Variants in DCDC1 observed in about 807,000 individuals in gnomAD.
The protein encoded by DCDC1 is doublecortin domain-containing protein 1.
In DCDC1, 200 loss-of-function variants were observed where a neutral mutation model predicts 178.3. That is an observed-to-expected ratio of 1.12 (90% CI 1.00 to 1.26). The LOEUF is 1.26. Ranked by LOEUF, DCDC1 falls within the 50% of genes most tolerant of loss-of-function variation. The pLI is 0.00. For synonymous variants in DCDC1, 690 were observed against 604.8 expected (o/e 1.14, Z -2.07); for missense variants, 1,983 against 1,749.2 (o/e 1.13, Z -2.38).
chr11:31,300,147 C>A (rs560757331), intron 6 of DCDC1, among the ~76,000 whole-genome samples: 1 of 152,276 alleles, frequency 6.6e-6, no homozygotes, highest in African/African-American at 2.4e-5. Flanking sequence ...AGAGCCACCA[C>A]ACCTGGCCGA....
At chr11:30,967,903 T>C (rs892997980) in intron 20 of DCDC1, among the ~76,000 whole-genome samples, 2 of 151,760 alleles carry the variant, frequency 1.3e-5, no homozygotes, top group Non-Finnish European at 2.9e-5. Flanking sequence ...ACAAGAGCAG[T>C]TAGGTAGAGA....
At chr11:31,011,428 A>T (rs925759107) in intron 20 of DCDC1, among the ~76,000 whole-genome samples, 1 of 152,248 alleles carries the variant, frequency 6.6e-6, no homozygotes, top group Non-Finnish European at 1.5e-5. Flanking sequence ...TAAGAAAAAG[A>T]CAAGCAATAG....
At chr11:30,877,426 T>A (rs564754608) in intron 38 of DCDC1, among the ~76,000 whole-genome samples, 3 of 152,174 alleles carry the variant, frequency 2.0e-5, no homozygotes, top group African/African-American at 7.2e-5. Flanking sequence ...GTAACTGCTA[T>A]TTTTTTAATG....
intron 20 of DCDC1, among the ~76,000 whole-genome samples, chr11:31,034,143 C>CAA (rs11439632): frequency 0.11 from 11,030 of 101,700 alleles, 680 homozygotes; most frequent in East Asian, 0.34. Context: ...GGCTCTGTCT[C>CAA]AAAAAAAAAA....
intron 7 of DCDC1, among the ~76,000 whole-genome samples, chr11:31,268,697 G>A (rs377203954): frequency 1.1e-4 from 16 of 152,220 alleles, no homozygotes; most frequent in Admixed American, 2.0e-4. Context: ...GAGTGCATGC[G>A]TCATTTTGGC....
At chr11:30,980,819 A>C (rs550473789) in intron 20 of DCDC1, among the ~76,000 whole-genome samples, 12 of 152,294 alleles carry the variant, frequency 7.9e-5, no homozygotes, top group South Asian at 2.1e-4. Flanking sequence ...AGAACTAAAA[A>C]TAGAACTACC....
intron 11 of DCDC1, among the ~76,000 whole-genome samples, chr11:31,113,924 A>G (rs1209822383): frequency 6.6e-6 from 1 of 152,170 alleles, no homozygotes; most frequent in Admixed American, 6.6e-5. Flanking sequence ...TAAAATGTGG[A>G]AAAATATTCT....
intron 34 of DCDC1, among the ~76,000 whole-genome samples, chr11:30,897,897 G>A (rs1427271215): frequency 6.6e-6 from 1 of 152,064 alleles, no homozygotes; most frequent in Admixed American, 6.5e-5. Context: ...GTTCAAAGTG[G>A]GATAAACCAC....
chr11:31,079,375 T>C (rs1297474406), intron 17 of DCDC1, among the ~76,000 whole-genome samples: 1 of 152,218 alleles, frequency 6.6e-6, no homozygotes, highest in African/African-American at 2.4e-5. Context: ...TTCATCTGAC[T>C]GTTCATGTGT....
chr11:31,212,937 A>AG (rs1434149317), intron 9 of DCDC1, among the ~76,000 whole-genome samples: 1 of 152,062 alleles, frequency 6.6e-6, no homozygotes, highest in East Asian at 1.9e-4. Flanking sequence ...AGATGTGGTA[A>AG]ACCTGTGTAC....
chr11:30,879,523 G>A (rs1203611449), intron 37 of DCDC1, among the ~76,000 whole-genome samples: 1 of 152,108 alleles, frequency 6.6e-6, no homozygotes, highest in East Asian at 1.9e-4. Context: ...GAGACAATAG[G>A]AGGAAACCAC....
chr11:31,084,968 T>C (rs1251167564), intron 17 of DCDC1, among the ~76,000 whole-genome samples: 1 of 150,972 alleles, frequency 6.6e-6, no homozygotes, highest in East Asian at 2.0e-4. Flanking sequence ...GTACTTTCAG[T>C]ATCCGGTGTG....
chr11:31,307,524 C>T (rs1487813639), intron 4 of DCDC1, 115 bp downstream of exon 4: 15 of 1,390,508 alleles, frequency 1.1e-5, no homozygotes, highest in African/African-American at 1.4e-5. Context: ...AAACAAAACC[C>T]GAGAGATGTG....
intron 20 of DCDC1, among the ~76,000 whole-genome samples, chr11:30,971,311 AAG>A (rs1949763470): frequency 6.6e-6 from 1 of 152,214 alleles, no homozygotes; most frequent in Non-Finnish European, 1.5e-5. Flanking sequence ...ATTCTCCAGT[AAG>A]AGTCTAGTGA....
chr11:31,274,203 G>T (rs778958951), intron 7 of DCDC1, among the ~76,000 whole-genome samples: 4 of 152,142 alleles, frequency 2.6e-5, no homozygotes, highest in Non-Finnish European at 4.4e-5. Context: ...CCTTCTTTCT[G>T]CCCCTCTCTT....
intron 20 of DCDC1, among the ~76,000 whole-genome samples, chr11:30,961,679 A>C (rs1248983559): frequency 6.6e-6 from 1 of 151,962 alleles, no homozygotes; most frequent in Non-Finnish European, 1.5e-5. Flanking sequence ...GGGTACAATA[A>C]TATATTTTGT....
At chr11:31,037,428 CTTTCTTTT>C (rs1954120367) in intron 20 of DCDC1, among the ~76,000 whole-genome samples, 3 of 44,876 alleles carry the variant, frequency 6.7e-5, no homozygotes, top group Admixed American at 2.2e-4. Context: ...CTAAATATTT[CTTTCTTTT>C]TTTTTTTTTT....
Position 31,280,978 on chromosome 11 carries a change from C to G in DCDC1, c.960+9669G>C, listed in dbSNP as rs1946384069. On this transcript the variant is annotated intron_variant, in intron 7 of 38. Transcript: ENST00000684477. ...CAAAAACTCTTCTTGCCTTTCTCAACATCACCCATATTTAATTCCCTTTTT... is the reference window on the plus strand; with the variant it reads ...CAAAAACTCTTCTTGCCTTTCTCAAGATCACCCATATTTAATTCCCTTTTT... 4.8e-6 allele frequency: 3 copies of G among 623,370 alleles called. No homozygotes were observed. The Admixed American group carries it at 5.6e-5, about 12-fold the overall frequency. The allele number at this position is 623,370 out of a possible 1,614,324, so 38.6% of individuals were successfully genotyped here.
At chr11:31,092,511 A>C (rs1342111178) in intron 16 of DCDC1, among the ~76,000 whole-genome samples, 1 of 152,216 alleles carries the variant, frequency 6.6e-6, no homozygotes, top group African/African-American at 2.4e-5. Flanking sequence ...AAAGCAGATA[A>C]GACTAACATC....
Sources: gnomAD v4.1 joint callset for allele counts (sites outside exome capture counted in the v4.1 genomes callset) on GRCh38, gnomAD v4.1.1 for gene constraint, MANE v1.5 for transcripts, NCBI Gene and HGNC (gene_info 2026-07-23, HGNC 2026-07-21) for gene names.